Variants in SLC16A10 observed in about 807,000 individuals in gnomAD.
The protein encoded by SLC16A10 is solute carrier family 16 member 10, also known as monocarboxylate transporter 10.
A neutral mutation model predicts 40.0 loss-of-function variants in SLC16A10; 27 were observed. That is an observed-to-expected ratio of 0.67 (90% CI 0.50 to 0.93). The LOEUF is 0.93. Among genes scored for constraint, SLC16A10 ranks in the 40% least tolerant of loss-of-function variants. The probability of loss-of-function intolerance (pLI) is 0.00; values close to 1 mark genes in which losing one functional copy is unlikely to be tolerated. For missense variants in SLC16A10, 529 were observed against 658.2 expected (o/e 0.80, Z 2.15); for synonymous variants, 213 against 249.8 (o/e 0.85, Z 1.39).
chr6:111,183,954 CTGATAAATGCCAAATATGACAA>C (rs368786689), intron 3 of SLC16A10, among the ~76,000 whole-genome samples: 1,779 of 152,192 alleles, frequency 0.012, 26 homozygotes, highest in African/African-American at 0.041. Context: ...CGTGAGATAA[CTGATAAATGCCAAATATGACAA>C]TGATAAATGC....
chr6:111,163,981 T>A (rs576181027), intron 1 of SLC16A10, among the ~76,000 whole-genome samples: 1 of 152,330 alleles, frequency 6.6e-6, no homozygotes, highest in African/African-American at 2.4e-5. Flanking sequence ...TATAAACCTT[T>A]ACAAATTTTT....
chr6:111,133,805 A>C (rs185284694), intron 1 of SLC16A10, among the ~76,000 whole-genome samples: 4 of 152,298 alleles, frequency 2.6e-5, no homozygotes, highest in South Asian at 2.1e-4. Flanking sequence ...TGAACCAAAG[A>C]GTGCCAATAT....
chr6:111,087,747 C>G lies in SLC16A10; in HGVS notation c.-6C>G. 3.3e-6 allele frequency: 4 copies of G among 1,201,350 alleles called. No individual in the cohort carries two copies. The highest frequency in any genetic ancestry group is 4.1e-6 in the Non-Finnish European group (4 of 969,090). The allele number at this position is 1,201,350 out of a possible 1,614,324, so 74.4% of individuals were successfully genotyped here. ...TCTCCGGCGCCTGAGGGGCCCGCCT[C>G]GGGCCATGGTGCTCTCCCAGGAGGA... On this transcript the variant is annotated 5_prime_UTR_variant, in exon 1 of 6. Transcript: ENST00000368851.
intron 3 of SLC16A10, among the ~76,000 whole-genome samples, chr6:111,191,077 G>A (rs34507853): frequency 3.3e-5 from 5 of 152,250 alleles, no homozygotes; most frequent in African/African-American, 1.2e-4. Context: ...GTGCAGGTTT[G>A]TTACATAGGC....
At chr6:111,142,042 A>G (rs974503080) in intron 1 of SLC16A10, among the ~76,000 whole-genome samples, 2 of 152,092 alleles carry the variant, frequency 1.3e-5, no homozygotes, top group African/African-American at 4.8e-5. Flanking sequence ...CTTCAATATC[A>G]TTTTCTTCAA....
At chr6:111,113,705 G>C (rs1771433706) in intron 1 of SLC16A10, among the ~76,000 whole-genome samples, 1 of 152,152 alleles carries the variant, frequency 6.6e-6, no homozygotes, top group Admixed American at 6.5e-5. Flanking sequence ...GGACTTCTTG[G>C]CTAAAGTAAT....
intron 1 of SLC16A10, among the ~76,000 whole-genome samples, chr6:111,105,710 G>A (rs182100850): frequency 6.6e-6 from 1 of 152,360 alleles, no homozygotes; most frequent in Admixed American, 6.5e-5. Flanking sequence ...CCACACTGTT[G>A]TGAGTGAGCA....
At chr6:111,138,675 G>T (rs1771925609) in intron 1 of SLC16A10, among the ~76,000 whole-genome samples, 2 of 151,810 alleles carry the variant, frequency 1.3e-5, no homozygotes, top group African/African-American at 4.8e-5. Context: ...TTAAGACAGG[G>T]TCTTGCTTGA....
intron 1 of SLC16A10, among the ~76,000 whole-genome samples, chr6:111,170,990 T>G (rs1772575628): frequency 6.6e-6 from 1 of 151,940 alleles, no homozygotes; most frequent in Admixed American, 6.5e-5. Context: ...ATACAAAAAT[T>G]AGCTGGTGTG....
Position 111,087,743 on chromosome 6 carries a change from G to A in SLC16A10, c.-10G>A, listed in dbSNP as rs1407201815. ...CGCTTCTCCGGCGCCTGAGGGGCCC[G>A]CCTCGGGCCATGGTGCTCTCCCAGG... On this transcript the variant is annotated 5_prime_UTR_variant, in exon 1 of 6. Transcript: ENST00000368851. 1.7e-6 allele frequency: 2 copies of A among 1,205,058 alleles called. No homozygotes were observed. The highest frequency in any genetic ancestry group is 1.6e-5 in the African/African-American group (1 of 63,150). 74.6% of individuals were successfully genotyped at this position (1,205,058 alleles called of 1,614,324 possible). A position where few individuals can be genotyped will look rare whatever the true frequency, so the allele number is the denominator to read the frequency against.
chr6:111,230,826 A>G lies in SLC16A10; in HGVS notation c.*8591A>G, dbSNP rs1771103925. The stretch of plus-strand genomic sequence containing the variant: ...ATTTTGTATATTTTGAGTTAGAAAA[A>G]CACACTTTATCTTAGACACCAAAGC... On this transcript the variant is annotated 3_prime_UTR_variant, in exon 6 of 6. Coordinates refer to ENST00000368851, the MANE Select transcript of SLC16A10 (RefSeq NM_018593.5). The G allele has an allele frequency of 6.6e-6, 1 of 152,132 alleles. No individual in the cohort carries two copies. The highest frequency in any genetic ancestry group is 6.6e-5 in the Admixed American group (1 of 15,260). 9.4% of individuals were successfully genotyped at this position (152,132 alleles called of 1,614,324 possible). A position where few individuals can be genotyped will look rare whatever the true frequency, so the allele number is the denominator to read the frequency against.
chr6:111,172,789 C>T lies in SLC16A10; in HGVS notation c.438C>T (p.Val146=), dbSNP rs562101130. 14 of 1,614,072 alleles carry T rather than the reference C, an allele frequency of 8.7e-6. 1 individual carries two copies. The highest frequency in any genetic ancestry group is 4.4e-5 in the South Asian group (4 of 91,080). The change falls in exon 2 of 6, where the codon GTC becomes GTT. Residue 146 remains valine, a synonymous_variant. Coordinates refer to ENST00000368851, the MANE Select transcript of SLC16A10 (RefSeq NM_018593.5). The stretch of plus-strand genomic sequence containing the variant: ...TATTTGGTTGTCGGAAAACAGCTGT[C>T]GTGGGTGCTGCTGTTGGATTTGTTG... ...TDLFGCRKTA[V]VGAAVGFVGL...
chr6:111,104,781 G>A (rs778203427), intron 1 of SLC16A10, among the ~76,000 whole-genome samples: 5 of 151,994 alleles, frequency 3.3e-5, no homozygotes, highest in African/African-American at 2.4e-5. Context: ...TGTCTTGAGC[G>A]GACTCAGGGG....
chr6:111,196,893 G>T (rs1042591459), intron 3 of SLC16A10, among the ~76,000 whole-genome samples: 5 of 152,134 alleles, frequency 3.3e-5, no homozygotes, highest in Admixed American at 1.3e-4. Context: ...CATAGATACG[G>T]GTATCTGAGG....
chr6:111,103,025 C>T (rs1771216606), intron 1 of SLC16A10, among the ~76,000 whole-genome samples: 1 of 152,130 alleles, frequency 6.6e-6, no homozygotes, highest in African/African-American at 2.4e-5. Context: ...CCCACCTCAG[C>T]CTCCTGAGTA....
chr6:111,192,676 C>T lies in SLC16A10; in HGVS notation c.943-13916C>T, dbSNP rs183994967. The stretch of plus-strand genomic sequence containing the variant: ...ATAAAGAAAAGAGGTTTAATGGACT[C>T]ACAGTTCCATATGGCTGGGGAGGCC... On this transcript the variant is annotated intron_variant, in intron 3 of 5. Transcript: ENST00000368851. 2.9e-3 allele frequency among the ~76,000 whole-genome samples: 436 copies of T among 152,260 alleles called. 1 individual carries two copies. Among genetic ancestry groups the T allele is most frequent in the Non-Finnish European group, 5.0e-3 (339 of 68,016 alleles).
At position 111,227,489 on chromosome 6, in the gene SLC16A10, GAA is replaced by G. The variant is rs1771023086; in HGVS notation, c.*5257_*5258del. On this transcript the variant is annotated 3_prime_UTR_variant, in exon 6 of 6. Transcript: ENST00000368851. The stretch of plus-strand genomic sequence containing the variant: ...CCTCCTGAGACAGTAAAGACTCCTG[GAA>G]AATTCATGACATCTTTGAATCACTC... 6.6e-6 allele frequency: 1 copy of G among 152,106 alleles called. No homozygotes were observed. Among genetic ancestry groups the G allele is most frequent in the African/African-American group, 2.4e-5 (1 of 41,418 alleles). The allele number at this position is 152,106 out of a possible 1,614,324, so 9.4% of individuals were successfully genotyped here.
intron 1 of SLC16A10, among the ~76,000 whole-genome samples, chr6:111,089,981 A>AGCTTT (rs1334034624): frequency 8.3e-6 from 1 of 119,790 alleles, no homozygotes; most frequent in Admixed American, 1.2e-4. Context: ...GAGAGACCAT[A>AGCTTT]GCTTTGCCAG....
At chr6:111,204,230 A>G (rs1465795480) in intron 3 of SLC16A10, among the ~76,000 whole-genome samples, 1 of 152,186 alleles carries the variant, frequency 6.6e-6, no homozygotes, top group East Asian at 1.9e-4. Flanking sequence ...AATCATCAGG[A>G]TTCAGTGGTG....
Sources: allele counts gnomAD v4.1 joint callset (sites outside exome capture counted in the v4.1 genomes callset), GRCh38; gene constraint gnomAD v4.1.1; transcripts MANE v1.5; gene names NCBI Gene and HGNC (gene_info 2026-07-23, HGNC 2026-07-21).